SRBD1: variants seen among roughly 807,000 people sequenced by gnomAD.
SRBD1 encodes S1 RNA-binding domain-containing protein 1.
A neutral mutation model predicts 115.3 loss-of-function variants in SRBD1; 88 were observed. That is an observed-to-expected ratio of 0.76 (90% CI 0.64 to 0.91). The LOEUF is 0.91. SRBD1 is among the 40% of genes least tolerant of loss of function. The pLI is 0.00. For synonymous variants in SRBD1, 509 were observed against 407.7 expected (o/e 1.25, Z -2.99); for missense variants, 1,385 against 1,177.4 (o/e 1.18, Z -2.58).
intron 14 of SRBD1, among the ~76,000 whole-genome samples, chr2:45,506,713 G>C (rs1159135836): frequency 1.3e-5 from 2 of 152,004 alleles, no homozygotes; most frequent in Admixed American, 1.3e-4. Context: ...AGCATGAAAA[G>C]GATAAAAACA....
At chr2:45,414,047 C>T (rs1242032097) in intron 18 of SRBD1, among the ~76,000 whole-genome samples, 1 of 152,056 alleles carries the variant, frequency 6.6e-6, no homozygotes, top group Non-Finnish European at 1.5e-5. Context: ...AAAATTAAAA[C>T]ATTACTTTAA....
intron 15 of SRBD1, among the ~76,000 whole-genome samples, chr2:45,482,742 A>G (rs1211949361): frequency 2.6e-5 from 4 of 152,068 alleles, no homozygotes; most frequent in African/African-American, 9.7e-5. Flanking sequence ...TTAAAAGTAC[A>G]GTCATCCTGT....
chr2:45,406,714 T>C (rs17393794), intron 19 of SRBD1, among the ~76,000 whole-genome samples: 3,256 of 152,250 alleles, frequency 0.021, 59 homozygotes, highest in Non-Finnish European at 0.034. Context: ...AAATTCTACA[T>C]ACTCTAGAGA....
chr2:45,567,094 G>A (rs896007658), intron 9 of SRBD1, among the ~76,000 whole-genome samples: 3 of 151,990 alleles, frequency 2.0e-5, no homozygotes, highest in Admixed American at 6.6e-5. Context: ...ATTCTACCAC[G>A]AAAATTTCTC....
chr2:45,587,066 TAAA>T, intron 4 of SRBD1, among the ~76,000 whole-genome samples: 2 of 139,336 alleles, frequency 1.4e-5, no homozygotes, highest in African/African-American at 5.5e-5. Flanking sequence ...TTTTAAATTA[TAAA>T]TATTAAAATA....
intron 14 of SRBD1, among the ~76,000 whole-genome samples, chr2:45,532,076 G>C (rs997762526): frequency 2.0e-5 from 3 of 151,620 alleles, no homozygotes; most frequent in African/African-American, 2.4e-5. Flanking sequence ...AAACAATCTT[G>C]GGAGGGGCAC....
chr2:45,579,782 T>G (rs1489702797), intron 7 of SRBD1, 93 bp downstream of exon 7: 1 of 1,352,550 alleles, frequency 7.4e-7, no homozygotes, highest in Non-Finnish European at 9.7e-7. Context: ...TTTTGTATAA[T>G]CAGTACTTAA....
intron 14 of SRBD1, among the ~76,000 whole-genome samples, chr2:45,499,086 A>G (rs1670549464): frequency 6.6e-6 from 1 of 152,162 alleles, no homozygotes. Flanking sequence ...ATTTTCCACA[A>G]TGGCTATACT....
At chr2:45,509,733 C>A (rs143316528) in intron 14 of SRBD1, among the ~76,000 whole-genome samples, 175 of 151,870 alleles carry the variant, frequency 1.2e-3, no homozygotes, top group African/African-American at 4.0e-3. Context: ...AGATATTTTT[C>A]TTTTTCCTTT....
At chr2:45,498,211 G>A (rs1447974406) in intron 14 of SRBD1, among the ~76,000 whole-genome samples, 2 of 152,010 alleles carry the variant, frequency 1.3e-5, no homozygotes, top group East Asian at 3.9e-4. Flanking sequence ...ACCTTCTTTA[G>A]TGAAATATCT....
At chr2:45,511,092 C>G (rs903137401) in intron 14 of SRBD1, among the ~76,000 whole-genome samples, 1 of 152,206 alleles carries the variant, frequency 6.6e-6, no homozygotes, top group Non-Finnish European at 1.5e-5. Context: ...GGTCAGTGCA[C>G]CCATCCCTTA....
chr2:45,467,006 T>C (rs1255863703), intron 16 of SRBD1, among the ~76,000 whole-genome samples: 1 of 152,190 alleles, frequency 6.6e-6, no homozygotes, highest in Non-Finnish European at 1.5e-5. Context: ...GGATTTTATA[T>C]GCATAGTCAA....
intron 14 of SRBD1, among the ~76,000 whole-genome samples, chr2:45,542,639 T>A (rs1671981979): frequency 6.6e-6 from 1 of 152,192 alleles, no homozygotes; most frequent in South Asian, 2.1e-4. Flanking sequence ...GCTTGACAGT[T>A]TCTTAAGTTA....
chr2:45,494,389 T>A (rs1289181273), intron 14 of SRBD1, among the ~76,000 whole-genome samples: 2 of 152,116 alleles, frequency 1.3e-5, no homozygotes, highest in African/African-American at 4.8e-5. Context: ...TTTTTTTTTT[T>A]AATTTACCAA....
chr2:45,528,102 T>A (rs969477013), intron 14 of SRBD1, among the ~76,000 whole-genome samples: 7 of 151,900 alleles, frequency 4.6e-5, no homozygotes, highest in Admixed American at 1.3e-4. Context: ...CTGGGCTAAT[T>A]CTTATAATGA....
chr2:45,422,056 T>C (rs1378394920), intron 16 of SRBD1, among the ~76,000 whole-genome samples: 1 of 152,082 alleles, frequency 6.6e-6, no homozygotes, highest in Non-Finnish European at 1.5e-5. Context: ...TAGGAGATAG[T>C]ATGGCAATGT....
At chr2:45,502,426 C>G (rs890354329) in intron 14 of SRBD1, among the ~76,000 whole-genome samples, 2 of 152,124 alleles carry the variant, frequency 1.3e-5, no homozygotes, top group African/African-American at 2.4e-5. Context: ...GACTTGGAAC[C>G]AACCCAAATG....
At chr2:45,601,812 A>G in intron 3 of SRBD1, 91 bp downstream of exon 3, 4 of 1,498,098 alleles carry the variant, frequency 2.7e-6, no homozygotes, top group South Asian at 1.4e-5. Flanking sequence ...TTTGTCATTT[A>G]CATGCCTTGT....
chr2:45,603,278 T>C (rs1455328953), intron 2 of SRBD1, among the ~76,000 whole-genome samples: 1 of 152,222 alleles, frequency 6.6e-6, no homozygotes, highest in Non-Finnish European at 1.5e-5. Flanking sequence ...CTAAGGCAGC[T>C]AGTCAACTCT....
Sources: gnomAD v4.1 joint callset for allele counts (sites outside exome capture counted in the v4.1 genomes callset) on GRCh38, gnomAD v4.1.1 for gene constraint, MANE v1.5 for transcripts, NCBI Gene and HGNC (gene_info 2026-07-23, HGNC 2026-07-21) for gene names.